Variants in UBE2E2 observed in about 807,000 individuals in gnomAD.
UBE2E2 encodes the protein ubiquitin-conjugating enzyme E2 E2.
Under a neutral mutation model 24.7 loss-of-function variants are expected in UBE2E2, and 6 were observed. The observed-to-expected ratio is 0.24, with a 90% CI of 0.13 to 0.48. The LOEUF (loss-of-function observed/expected upper bound fraction) is 0.48. Among genes scored for constraint, UBE2E2 ranks in the 20% least tolerant of loss-of-function variants. The pLI is 0.99. For synonymous variants in UBE2E2, 104 were observed against 83.6 expected (o/e 1.24, Z -1.33); for missense variants, 169 against 245.0 (o/e 0.69, Z 2.07).
chr3:23,446,347 G>T (rs1305575154), intron 3 of UBE2E2, among the ~76,000 whole-genome samples: 1 of 152,180 alleles, frequency 6.6e-6, no homozygotes, highest in East Asian at 1.9e-4. Flanking sequence ...CTTAATTTTT[G>T]TGAAATGTCT....
At chr3:23,307,979 A>G (rs1222688583) in intron 3 of UBE2E2, among the ~76,000 whole-genome samples, 1 of 152,126 alleles carries the variant, frequency 6.6e-6, no homozygotes, top group African/African-American at 2.4e-5. Flanking sequence ...CTCCCAACTT[A>G]CCAAGTGGCA....
At chr3:23,381,665 A>G (rs1159587579) in intron 3 of UBE2E2, among the ~76,000 whole-genome samples, 1 of 152,220 alleles carries the variant, frequency 6.6e-6, no homozygotes, top group Admixed American at 6.5e-5. Flanking sequence ...TTAATAAAAG[A>G]TACTGTATAA....
At chr3:23,257,680 T>G (rs1263009491) in intron 3 of UBE2E2, among the ~76,000 whole-genome samples, 18 of 151,838 alleles carry the variant, frequency 1.2e-4, no homozygotes, top group African/African-American at 4.1e-4. Context: ...TTTACTTTTT[T>G]TTTGGTTCAT....
chr3:23,533,667 A>C (rs1009879043), intron 5 of UBE2E2, among the ~76,000 whole-genome samples: 2 of 118,724 alleles, frequency 1.7e-5, no homozygotes, highest in East Asian at 5.4e-4. Flanking sequence ...TGTGTCACCC[A>C]GGCTGGAGTG....
chr3:23,537,382 C>T (rs985089566), intron 5 of UBE2E2, among the ~76,000 whole-genome samples: 2 of 152,200 alleles, frequency 1.3e-5, no homozygotes, highest in African/African-American at 4.8e-5. Context: ...CTCCCTGCAT[C>T]ACCTTTCAAA....
chr3:23,492,187 G>A (rs1699514087), intron 3 of UBE2E2, among the ~76,000 whole-genome samples: 1 of 152,184 alleles, frequency 6.6e-6, no homozygotes, highest in Admixed American at 6.5e-5. Flanking sequence ...TTATTGTGTT[G>A]TATGCCAGAA....
chr3:23,510,940 G>T (rs943003651), intron 4 of UBE2E2, among the ~76,000 whole-genome samples: 1 of 152,114 alleles, frequency 6.6e-6, no homozygotes. Flanking sequence ...AAGAATTAAG[G>T]CTCAGCTGTG....
At chr3:23,484,088 A>G (rs1368292352) in intron 3 of UBE2E2, among the ~76,000 whole-genome samples, 2 of 152,170 alleles carry the variant, frequency 1.3e-5, no homozygotes, top group East Asian at 3.8e-4. Flanking sequence ...TTAAGGCCCT[A>G]CACTATCTAA....
chr3:23,433,618 T>G (rs1698116139), intron 3 of UBE2E2, among the ~76,000 whole-genome samples: 1 of 152,014 alleles, frequency 6.6e-6, no homozygotes, highest in South Asian at 2.1e-4. Flanking sequence ...TGAAAATGCA[T>G]TAAAGGATCA....
chr3:23,589,832 G>A lies in UBE2E2; in HGVS notation c.*1G>A, dbSNP rs376236414. On this transcript the variant is annotated 3_prime_UTR_variant, in exon 6 of 6. Transcript: ENST00000396703. This position sits in a 1 kb window ranked among gnomAD's most constrained non-coding sequence, Gnocchi z 4.1. The stretch of plus-strand genomic sequence containing the variant: ...GTGGACCAAGCGGTACGCCACATAG[G>A]GGCCTGCTGCCTGCCGCCCCGCGGG... The A allele has an allele frequency of 1.8e-4, 296 of 1,614,074 alleles. 3 individuals are homozygous for A. In the South Asian group the frequency reaches 3.1e-3, roughly 17 times the overall value.
Position 23,325,385 on chromosome 3 carries a change from C to T in UBE2E2, c.227+108073C>T, listed in dbSNP as rs1321579956. Among the ~76,000 whole-genome samples, 3 of 152,116 alleles carry T rather than the reference C, an allele frequency of 2.0e-5. No homozygotes were observed. The East Asian group carries it at 5.8e-4, about 29-fold the overall frequency. On this transcript the variant is annotated intron_variant, in intron 3 of 5. Coordinates refer to ENST00000396703, the MANE Select transcript of UBE2E2 (RefSeq NM_152653.4). ...CTGGGCTGGAGGAGAAATATATTCC[C>T]ACATTATTCACTTACCAGGAGTATA...
At chr3:23,540,725 T>TAG (rs1360784617) in intron 5 of UBE2E2, among the ~76,000 whole-genome samples, 5 of 152,032 alleles carry the variant, frequency 3.3e-5, no homozygotes, top group African/African-American at 9.6e-5. Context: ...TTTAAAAAAA[T>TAG]AGAGAGAGAG....
chr3:23,399,483 C>G (rs1697164709), intron 3 of UBE2E2, among the ~76,000 whole-genome samples: 1 of 152,138 alleles, frequency 6.6e-6, no homozygotes, highest in Non-Finnish European at 1.5e-5. Flanking sequence ...CATCATGCTA[C>G]TCAAAATGGT....
chr3:23,237,459 C>CT (rs996270383), intron 3 of UBE2E2, among the ~76,000 whole-genome samples: 27 of 152,084 alleles, frequency 1.8e-4, no homozygotes, highest in African/African-American at 6.3e-4. Flanking sequence ...GTCAGTATCT[C>CT]TTAATAAAGA....
At chr3:23,210,207 T>A (rs1454128225) in intron 2 of UBE2E2, among the ~76,000 whole-genome samples, 1 of 152,076 alleles carries the variant, frequency 6.6e-6, no homozygotes, top group Non-Finnish European at 1.5e-5. Context: ...AGGTACAGAT[T>A]GTAGTTCCAC....
chr3:23,229,739 A>G (rs1305708332), intron 3 of UBE2E2, among the ~76,000 whole-genome samples: 1 of 152,216 alleles, frequency 6.6e-6, no homozygotes, highest in Non-Finnish European at 1.5e-5. Flanking sequence ...TTCTGTTATG[A>G]TAGACCTGTT....
intron 3 of UBE2E2, among the ~76,000 whole-genome samples, chr3:23,469,659 A>G (rs996599771): frequency 1.3e-5 from 2 of 152,232 alleles, no homozygotes; most frequent in Non-Finnish European, 1.5e-5. Context: ...AAGAAGAGCT[A>G]TATTTTATAA....
intron 3 of UBE2E2, among the ~76,000 whole-genome samples, chr3:23,434,920 G>A (rs993067060): frequency 6.6e-6 from 1 of 152,152 alleles, no homozygotes; most frequent in African/African-American, 2.4e-5. Context: ...GCCATAAATC[G>A]CTGCATCATT....
chr3:23,541,006 A>G (rs190450851), intron 5 of UBE2E2, among the ~76,000 whole-genome samples: 35 of 152,364 alleles, frequency 2.3e-4, no homozygotes, highest in Non-Finnish European at 3.4e-4. Context: ...AAAATAATGC[A>G]TTGTTAGTGT....
Sources: gnomAD v4.1 joint callset for allele counts (sites outside exome capture counted in the v4.1 genomes callset) on GRCh38, gnomAD v4.1.1 for gene constraint, Gnocchi (gnomAD v3.1) non-coding constraint, MANE v1.5 for transcripts, NCBI Gene and HGNC (gene_info 2026-07-23, HGNC 2026-07-21) for gene names.